The following KSR2 variants were observed in gnomAD, a reference collection of about 807,000 sequenced individuals.
KSR2 encodes kinase suppressor of ras 2.
KSR2 carries 25 observed loss-of-function variants against 107.8 expected under a neutral mutation model. The observed-to-expected ratio is 0.23, with a 90% CI of 0.17 to 0.32. The LOEUF (loss-of-function observed/expected upper bound fraction) is 0.32. KSR2 is among the 10% of genes least tolerant of loss of function. KSR2 has a pLI of 1.00. For synonymous variants in KSR2, 480 were observed against 507.0 expected, an observed-to-expected ratio of 0.95 and a Z score of 0.71; for missense variants, 887 against 1,268.9, an observed-to-expected ratio of 0.70 and a Z score of 4.57.
chr12:117,599,205 C>T lies in KSR2; in HGVS notation c.1172-16846G>A, dbSNP rs138483807. ...CACAACTTCAAATGGGATGGAAACA[C>T]GATAGGGATTGAGAAGCTGGACTCC... On this transcript the variant is annotated intron_variant, in intron 5 of 19. Transcript: ENST00000339824. Among the ~76,000 whole-genome samples, 1,411 of 152,238 alleles carry T rather than the reference C, an allele frequency of 9.3e-3. 8 individuals are homozygous for T. The highest frequency in any genetic ancestry group is 0.015 in the South Asian group (74 of 4,818).
intron 4 of KSR2, among the ~76,000 whole-genome samples, chr12:117,720,487 G>C (rs190526123): frequency 5.8e-4 from 88 of 152,344 alleles, no homozygotes; most frequent in East Asian, 3.3e-3. Context: ...AAAAGGAATT[G>C]TTTAAAGTAA....
chr12:117,807,961 C>T (rs1272391791), intron 3 of KSR2, among the ~76,000 whole-genome samples: 1 of 152,226 alleles, frequency 6.6e-6, no homozygotes, highest in African/African-American at 2.4e-5. Flanking sequence ...TTATGGTCTG[C>T]ACCATTCAGG....
chr12:117,511,046 G>A (rs1873994123), intron 14 of KSR2, among the ~76,000 whole-genome samples: 1 of 152,144 alleles, frequency 6.6e-6, no homozygotes, highest in African/African-American at 2.4e-5. Flanking sequence ...TACCTCCATT[G>A]AACGGATGCA....
At chr12:117,813,011 C>T (rs1039244781) in intron 3 of KSR2, among the ~76,000 whole-genome samples, 1 of 151,900 alleles carries the variant, frequency 6.6e-6, no homozygotes, top group South Asian at 2.1e-4. Flanking sequence ...ATAGAGAACT[C>T]AGAAATTAAT....
chr12:117,781,164 T>G (rs866975159), intron 3 of KSR2, among the ~76,000 whole-genome samples: 3 of 152,360 alleles, frequency 2.0e-5, no homozygotes, highest in African/African-American at 7.2e-5. Flanking sequence ...TCTTGCCCAC[T>G]GCCATGTAAA....
intron 4 of KSR2, among the ~76,000 whole-genome samples, chr12:117,706,274 C>T (rs1273826944): frequency 6.6e-6 from 1 of 151,782 alleles, no homozygotes; most frequent in Non-Finnish European, 1.5e-5. Flanking sequence ...AAACTTCTGA[C>T]CTCAGGTGAT....
intron 4 of KSR2, among the ~76,000 whole-genome samples, chr12:117,728,087 C>T (rs1390234939): frequency 2.0e-5 from 3 of 152,178 alleles, no homozygotes; most frequent in Admixed American, 2.0e-4. Flanking sequence ...CATGAGAGAA[C>T]TTTCTGGGGT....
chr12:117,938,010 C>T (rs905664952), intron 1 of KSR2, among the ~76,000 whole-genome samples: 2 of 146,694 alleles, frequency 1.4e-5, no homozygotes, highest in Non-Finnish European at 3.0e-5. Context: ...ACATATTAGA[C>T]TCCTCCCATG....
intron 1 of KSR2, among the ~76,000 whole-genome samples, chr12:117,860,863 C>T (rs535909535): frequency 9.2e-5 from 14 of 152,210 alleles, no homozygotes; most frequent in African/African-American, 2.9e-4. Flanking sequence ...GGATTACAGG[C>T]GCGCGCCACC....
chr12:117,937,394 C>CTAT (rs957169248), intron 1 of KSR2, among the ~76,000 whole-genome samples: 3 of 151,896 alleles, frequency 2.0e-5, no homozygotes, highest in East Asian at 1.9e-4. Context: ...TCTTGCCCAT[C>CTAT]TATTATTATT....
chr12:117,527,322 C>CAG (rs1466486290), intron 12 of KSR2, among the ~76,000 whole-genome samples: 2 of 130,570 alleles, frequency 1.5e-5, no homozygotes, highest in East Asian at 4.3e-4. Flanking sequence ...CACACACACA[C>CAG]ACAGACACAC....
chr12:117,720,837 T>C (rs1359320762), intron 4 of KSR2, among the ~76,000 whole-genome samples: 1 of 151,972 alleles, frequency 6.6e-6, no homozygotes, highest in Non-Finnish European at 1.5e-5. Context: ...AAAATAGGAA[T>C]TAATTACAAG....
intron 14 of KSR2, among the ~76,000 whole-genome samples, chr12:117,508,082 C>T (rs1873809638): frequency 6.6e-6 from 1 of 152,182 alleles, no homozygotes; most frequent in Non-Finnish European, 1.5e-5. Flanking sequence ...CAGGAAAAGA[C>T]AATTCTGATT....
chr12:117,795,893 G>A (rs1890607503), intron 3 of KSR2, among the ~76,000 whole-genome samples: 1 of 151,810 alleles, frequency 6.6e-6, no homozygotes, highest in African/African-American at 2.4e-5. Context: ...CTACAGACAT[G>A]AGCCGCCACA....
intron 1 of KSR2, among the ~76,000 whole-genome samples, chr12:117,923,963 C>T (rs1048235689): frequency 7.3e-5 from 11 of 150,464 alleles, no homozygotes; most frequent in African/African-American, 2.7e-4. Flanking sequence ...ACCACAACTT[C>T]CACTTCCGGG....
chr12:117,480,195 G>A (rs914432698), intron 16 of KSR2, among the ~76,000 whole-genome samples: 1 of 152,130 alleles, frequency 6.6e-6, no homozygotes, highest in African/African-American at 2.4e-5. Context: ...GGGTTGGGGT[G>A]CCCCTGCCAA....
At chr12:117,778,983 G>A (rs957637076) in intron 3 of KSR2, among the ~76,000 whole-genome samples, 3 of 152,288 alleles carry the variant, frequency 2.0e-5, no homozygotes, top group Non-Finnish European at 2.9e-5. Flanking sequence ...GACTTGGGGC[G>A]CAGGTTTTCC....
At chr12:117,904,065 T>TAA (rs575812445) in intron 1 of KSR2, among the ~76,000 whole-genome samples, 1 of 148,546 alleles carries the variant, frequency 6.7e-6, no homozygotes, top group Non-Finnish European at 1.5e-5. Flanking sequence ...ATCTTGTCTC[T>TAA]AAAAAAAAAA....
At chr12:117,513,719 C>T (rs1470900830) in intron 14 of KSR2, among the ~76,000 whole-genome samples, 5 of 152,244 alleles carry the variant, frequency 3.3e-5, no homozygotes, top group Middle Eastern at 3.4e-3. Context: ...GACTCAGGCA[C>T]GGCTAGAAAG....
Sources: allele counts gnomAD v4.1 joint callset (sites outside exome capture counted in the v4.1 genomes callset), GRCh38; gene constraint gnomAD v4.1.1; transcripts MANE v1.5; gene names NCBI Gene and HGNC (gene_info 2026-07-23, HGNC 2026-07-21).